The following MSH3 variants were observed in gnomAD, a reference collection of about 807,000 sequenced individuals.
MSH3 encodes the protein DNA mismatch repair protein Msh3.
MSH3 carries 106 observed loss-of-function variants against 123.3 expected under a neutral mutation model. That is an observed-to-expected ratio of 0.86 (90% confidence interval 0.73 to 1.01). MSH3 has a LOEUF of 1.01. Among genes scored for constraint, MSH3 ranks in the 50% least tolerant of loss-of-function variants. MSH3 has a pLI of 0.00. For missense variants in MSH3, 1,459 were observed against 1,347.6 expected (o/e 1.08, Z -1.29); for synonymous variants, 515 against 481.4 (o/e 1.07, Z -0.91).
At chr5:80,764,536 A>C (rs1034168800) in intron 13 of MSH3, among the ~76,000 whole-genome samples, 9 of 131,062 alleles carry the variant, frequency 6.9e-5, no homozygotes, top group South Asian at 2.5e-4. Flanking sequence ...TTTTTTTTGC[A>C]TTTTTTTGTA....
intron 20 of MSH3, among the ~76,000 whole-genome samples, chr5:80,826,659 C>T (rs1561490858): frequency 6.6e-6 from 1 of 151,424 alleles, no homozygotes. Context: ...AGCGATTCTC[C>T]TGCCTCAGCC....
At chr5:80,860,434 A>T (rs1225645749) in intron 21 of MSH3, among the ~76,000 whole-genome samples, 3 of 128,712 alleles carry the variant, frequency 2.3e-5, no homozygotes, top group East Asian at 4.2e-4. Context: ...TAGGTTGGAG[A>T]GGTTTGTTGT....
At chr5:80,752,691 C>A (rs1383849986) in intron 12 of MSH3, among the ~76,000 whole-genome samples, 2 of 151,984 alleles carry the variant, frequency 1.3e-5, no homozygotes, top group African/African-American at 4.8e-5. Flanking sequence ...TTCCTCATAG[C>A]AATTTTTTGG....
At chr5:80,840,477 A>C (rs701388) in intron 20 of MSH3, among the ~76,000 whole-genome samples, 106,937 of 151,774 alleles carry the variant, frequency 0.7, 37,685 homozygotes, top group South Asian at 0.8. Context: ...GCAGTGGCAT[A>C]ATCTCAGCTC....
At chr5:80,792,874 A>G (rs765398678) in intron 19 of MSH3, 30 bp downstream of exon 19, 27 of 1,387,992 alleles carry the variant, frequency 1.9e-5, no homozygotes, top group Non-Finnish European at 2.7e-5. Context: ...AAATAAGTCG[A>G]TGATAACATC....
chr5:80,672,619 C>T (rs1749748684), intron 5 of MSH3, 122 bp from the exon 6 acceptor site: 2 of 861,050 alleles, frequency 2.3e-6, no homozygotes, highest in Non-Finnish European at 3.9e-6. Context: ...TTAAACCCTA[C>T]ATCTGAACGT....
At chr5:80,801,495 G>C (rs558170195) in intron 19 of MSH3, among the ~76,000 whole-genome samples, 13 of 152,238 alleles carry the variant, frequency 8.5e-5, no homozygotes, top group Non-Finnish European at 1.5e-4. Flanking sequence ...GAGTTTAGTG[G>C]GTTGAACACA....
chr5:80,845,580 C>A (rs1561497071), intron 20 of MSH3, among the ~76,000 whole-genome samples: 1 of 152,208 alleles, frequency 6.6e-6, no homozygotes, highest in Non-Finnish European at 1.5e-5. Context: ...TCCCATATTT[C>A]ATGGAGGCTT....
chr5:80,865,092 T>G lies in MSH3; in HGVS notation c.3130+150T>G, dbSNP rs573853173. 3 of 832,656 alleles carry G rather than the reference T, an allele frequency of 3.6e-6. No homozygotes were observed. The South Asian group carries it at 4.6e-5, about 13-fold the overall frequency. 51.6% of individuals were successfully genotyped at this position (832,656 alleles called of 1,614,324 possible). A position where few individuals can be genotyped will look rare whatever the true frequency, so the allele number is the denominator to read the frequency against. On this transcript the variant is annotated intron_variant, in intron 22 of 23. Transcript: ENST00000265081. ...TTGTCAGGATTCATTTTTGCTAAGC[T>G]TTAGGTCAAGTAGAATTTAGATTTA...
At chr5:80,809,905 G>C (rs1744975606) in intron 19 of MSH3, among the ~76,000 whole-genome samples, 1 of 151,878 alleles carries the variant, frequency 6.6e-6, no homozygotes, top group South Asian at 2.1e-4. Flanking sequence ...AAATTTATTT[G>C]ATTTTTTATG....
chr5:80,750,555 C>A (rs245398), intron 12 of MSH3, among the ~76,000 whole-genome samples: 34,490 of 151,970 alleles, frequency 0.23, 4,105 homozygotes, highest in Non-Finnish European at 0.27. Flanking sequence ...GACCTTTTGC[C>A]CATTTTTAAA....
At chr5:80,767,395 A>C (rs747356058) in intron 13 of MSH3, among the ~76,000 whole-genome samples, 14 of 152,110 alleles carry the variant, frequency 9.2e-5, no homozygotes, top group Non-Finnish European at 1.8e-4. Flanking sequence ...GAAGCTTTTA[A>C]ATCTTTGGCG....
chr5:80,811,476 A>G (rs1745006163), intron 19 of MSH3, among the ~76,000 whole-genome samples: 1 of 152,126 alleles, frequency 6.6e-6, no homozygotes, highest in Non-Finnish European at 1.5e-5. Context: ...TTTATTAAGA[A>G]GTTTTGCATG....
rs2112885278 is a variant in MSH3, at chr5:80,768,972, C to T, written c.2222C>T (p.Ser741Phe). Residue 741 changes from serine to phenylalanine, a missense_variant, in exon 15 of 24, where the codon TCT becomes TTT. By Grantham distance (155) the Ser-to-Phe change is radical. Coordinates refer to ENST00000265081, the MANE Select transcript of MSH3 (RefSeq NM_002439.5). Reference sequence around the variant, plus strand: ...ATACGAAAAATACTAAAAAATCCTTCTGCACAATATGTGACAGTATCAGGA... The same window carrying T: ...ATACGAAAAATACTAAAAAATCCTTTTGCACAATATGTGACAGTATCAGGA... ...QEIRKILKNP[S>F]AQYVTVSGQE... The T allele has an allele frequency of 6.2e-7, 1 of 1,612,960 alleles. No homozygotes were observed. The highest frequency in any genetic ancestry group is 8.5e-7 in the Non-Finnish European group (1 of 1,179,256).
intron 20 of MSH3, 122 bp from the exon 21 acceptor site, chr5:80,854,008 A>T (rs549775620): frequency 3.8e-6 from 3 of 795,180 alleles, no homozygotes; most frequent in Non-Finnish European, 4.1e-6. Flanking sequence ...AATTTGAGCT[A>T]TTATTGGCTC....
At chr5:80,697,445 C>T (rs1750508121) in intron 8 of MSH3, among the ~76,000 whole-genome samples, 1 of 152,084 alleles carries the variant, frequency 6.6e-6, no homozygotes, top group Admixed American at 6.5e-5. Context: ...GTGAATCAAA[C>T]CTGTGATTTC....
intron 19 of MSH3, among the ~76,000 whole-genome samples, chr5:80,798,816 T>C (rs1744741763): frequency 1.3e-5 from 2 of 152,194 alleles, no homozygotes; most frequent in Admixed American, 1.3e-4. Flanking sequence ...CTCCCCTCTC[T>C]TCTTATCTCT....
intron 7 of MSH3, among the ~76,000 whole-genome samples, chr5:80,676,423 A>G (rs563124708): frequency 1.2e-4 from 18 of 152,346 alleles, no homozygotes; most frequent in African/African-American, 3.8e-4. Flanking sequence ...TAGACTTTTT[A>G]AGGCCCTTCA....
In MSH3 at chr5:80,678,787, A is replaced by G. The variant is rs1749897623; in HGVS notation, c.1174-140A>G. ...CGTGTAAGAGTCCTGAAAAGCAGAC[A>G]GGTTTCTAACACTTTAGAAATAGAG... On this transcript the variant is annotated intron_variant, in intron 7 of 23. Transcript: ENST00000265081. The G allele has an allele frequency of 3.1e-5, 27 of 867,552 alleles. No homozygotes were observed. The South Asian group carries it at 3.9e-4, about 13-fold the overall frequency. The allele number at this position is 867,552 out of a possible 1,614,324, so 53.7% of individuals were successfully genotyped here.
Sources: gnomAD v4.1 joint callset for allele counts (sites outside exome capture counted in the v4.1 genomes callset) on GRCh38, gnomAD v4.1.1 for gene constraint, MANE v1.5 for transcripts, NCBI Gene and HGNC (gene_info 2026-07-23, HGNC 2026-07-21) for gene names.